Variants in ABCC6 observed in about 807,000 individuals in gnomAD.
The protein encoded by ABCC6 is ATP-binding cassette sub-family C member 6.
ABCC6 carries 126 observed loss-of-function variants against 169.5 expected under a neutral mutation model. The ratio of observed to expected loss-of-function variants is 0.74; its 90% CI spans 0.64 to 0.86. The LOEUF (loss-of-function observed/expected upper bound fraction) is 0.86. Among genes scored for constraint, ABCC6 ranks in the 40% least tolerant of loss-of-function variants. The probability of loss-of-function intolerance (pLI) is 0.00; values close to 1 mark genes in which losing one functional copy is unlikely to be tolerated. For synonymous variants in ABCC6, 752 were observed against 814.7 expected, an observed-to-expected ratio of 0.92 and a Z score of 1.31; for missense variants, 1,733 against 1,927.2, an observed-to-expected ratio of 0.90 and a Z score of 1.89.
chr16:16,200,028 G>A (rs1198756417), intron 9 of ABCC6, among the ~76,000 whole-genome samples: 28 of 151,772 alleles, frequency 1.8e-4, no homozygotes, highest in African/African-American at 3.9e-4. Flanking sequence ...AGATTGCACC[G>A]CTGCACTACA....
chr16:16,213,544 T>C (rs1238674997), intron 5 of ABCC6, among the ~76,000 whole-genome samples: 1 of 147,758 alleles, frequency 6.8e-6, no homozygotes, highest in Non-Finnish European at 1.5e-5. Context: ...CCAAGGGTAA[T>C]TTTCTTTTTC....
intron 7 of ABCC6, among the ~76,000 whole-genome samples, chr16:16,205,642 G>A (rs2048371296): frequency 6.6e-6 from 1 of 152,088 alleles, no homozygotes; most frequent in Non-Finnish European, 1.5e-5. Context: ...CTTCCATACA[G>A]AGAGCATCCC....
intron 19 of ABCC6, among the ~76,000 whole-genome samples, chr16:16,176,519 G>A (rs557339745): frequency 3.9e-4 from 60 of 152,336 alleles, no homozygotes; most frequent in African/African-American, 1.4e-3. Context: ...CACAGCAAAA[G>A]CTGACCAACA....
intron 11 of ABCC6, among the ~76,000 whole-genome samples, chr16:16,192,110 A>C (rs981174429): frequency 2.0e-5 from 3 of 152,106 alleles, no homozygotes; most frequent in African/African-American, 7.2e-5. Flanking sequence ...GTGGTGAGGG[A>C]AGCCGCCCTG....
At position 16,157,827 on chromosome 16, in the gene ABCC6, A is replaced by G; in HGVS notation, c.3736-18T>C. On this transcript the variant is annotated intron_variant, in intron 26 of 30. Coordinates refer to ENST00000205557, the MANE Select transcript of ABCC6 (RefSeq NM_001171.6). ...CAGGGAGCCTGGAGCAGGAGGGGAAACTGAGTCAGAGGAGCCTTCCTCTAA... is the reference window on the plus strand; with the variant it reads ...CAGGGAGCCTGGAGCAGGAGGGGAAGCTGAGTCAGAGGAGCCTTCCTCTAA... 1 of 1,605,298 alleles carries G rather than the reference A, an allele frequency of 6.2e-7. No individual in the cohort carries two copies. Among genetic ancestry groups the G allele is most frequent in the Non-Finnish European group, 8.5e-7 (1 of 1,178,124 alleles).
chr16:16,208,647 C>T (rs931709297), intron 7 of ABCC6, 81 bp downstream of exon 7: 3 of 1,608,850 alleles, frequency 1.9e-6, no homozygotes, highest in African/African-American at 1.3e-5. Context: ...GCCGGGATTA[C>T]AGTCGTGAGC....
chr16:16,151,666 AAC>A (rs1186938683), intron 29 of ABCC6, among the ~76,000 whole-genome samples: 1 of 152,172 alleles, frequency 6.6e-6, no homozygotes, highest in Non-Finnish European at 1.5e-5. Context: ...CCTTGTGCCA[AAC>A]ACATTCTAAG....
chr16:16,157,509 TGAG>T (rs1478190980), intron 27 of ABCC6, among the ~76,000 whole-genome samples, 151 bp downstream of exon 27: 1 of 151,892 alleles, frequency 6.6e-6, no homozygotes, highest in Non-Finnish European at 1.5e-5. Flanking sequence ...TTGGGGAAGG[TGAG>T]GAGTTCATTT....
intron 14 of ABCC6, 88 bp downstream of exon 14, chr16:16,187,036 G>A: frequency 1.7e-6 from 2 of 1,188,258 alleles, no homozygotes; most frequent in Non-Finnish European, 2.5e-6. Context: ...TCTCCCCCCA[G>A]TACTGATGCT....
At position 16,150,143 on chromosome 16, in the gene ABCC6, C is replaced by T. The variant is rs1362558112; in HGVS notation, c.4502G>A (p.Gly1501Asp). The T allele has an allele frequency of 1.2e-6, 2 of 1,612,588 alleles. No individual in the cohort carries two copies. Among genetic ancestry groups the T allele is most frequent in the South Asian group, 1.1e-5 (1 of 91,016 alleles). Reference sequence around the variant, plus strand: ...GTTGAGGGTCCTGGCTCAGACCAGGCCTGACTCCTGGGCCAGTCTGTAAAA... The same window carrying T: ...GTTGAGGGTCCTGGCTCAGACCAGGTCTGACTCCTGGGCCAGTCTGTAAAA... Reference protein sequence around the residue: ...GLFYRLAQESGLV With the variant: ...GLFYRLAQESDLV The change falls in exon 31 of 31, where the codon GGC (glycine) becomes GAC (aspartate). Residue 1501 changes from glycine (G) to aspartate (D), a missense_variant. Gly to Asp is a moderately conservative substitution (Grantham distance 94). Transcript: ENST00000205557.
In ABCC6 at chr16:16,157,529, G is replaced by A; in HGVS notation, c.3882+134C>T. 5.2e-6 allele frequency: 6 copies of A among 1,147,150 alleles called. No homozygotes were observed. In the South Asian group the frequency reaches 5.3e-5, roughly 10 times the overall value. The allele number at this position is 1,147,150 out of a possible 1,614,324, so 71.1% of individuals were successfully genotyped here. A position where few individuals can be genotyped will look rare whatever the true frequency, so the allele number is the denominator to read the frequency against. On this transcript the variant is annotated intron_variant, in intron 27 of 30. Transcript: ENST00000205557. Reference sequence around the variant, plus strand: ...GAAGGTGAGGAGTTCATTTTAGGGGGTAATGGGTCTGAAAGCTAGGGGACC... The same window carrying A: ...GAAGGTGAGGAGTTCATTTTAGGGGATAATGGGTCTGAAAGCTAGGGGACC...
At chr16:16,158,419 T>TCCCA (rs2046616153) in intron 26 of ABCC6, among the ~76,000 whole-genome samples, 4 of 147,494 alleles carry the variant, frequency 2.7e-5, no homozygotes, top group Admixed American at 6.9e-5. Flanking sequence ...ATCCACCCCA[T>TCCCA]CCCACCCATC....
intron 13 of ABCC6, 107 bp from the exon 14 acceptor site, chr16:16,187,318 C>G: frequency 1.1e-6 from 1 of 899,140 alleles, no homozygotes; most frequent in Non-Finnish European, 1.8e-6. Flanking sequence ...CTACCAAGCT[C>G]TGTGCATAGG....
intron 1 of ABCC6, among the ~76,000 whole-genome samples, chr16:16,222,416 C>G (rs2049105380): frequency 6.6e-6 from 1 of 152,112 alleles, no homozygotes; most frequent in Non-Finnish European, 1.5e-5. Context: ...GGGTCTCACT[C>G]TGTTGCCCAG....
chr16:16,150,492 G>A (rs940933153), intron 30 of ABCC6, 86 bp downstream of exon 30: 20 of 1,532,592 alleles, frequency 1.3e-5, no homozygotes, highest in Middle Eastern at 2.3e-4. Context: ...GCTCTAACCC[G>A]AAGCCCAGTG....
intron 22 of ABCC6, 123 bp downstream of exon 22, chr16:16,169,523 C>T: frequency 8.6e-7 from 1 of 1,157,984 alleles, no homozygotes; most frequent in Non-Finnish European, 1.3e-6. Flanking sequence ...TGCCTGGACC[C>T]CAGACGTTTT....
intron 20 of ABCC6, among the ~76,000 whole-genome samples, chr16:16,174,753 T>G: frequency 1.1e-5 from 1 of 89,958 alleles, no homozygotes; most frequent in Non-Finnish European, 2.3e-5. Context: ...CAAGATTCTG[T>G]CTCAAAACCC....
At chr16:16,161,051 G>A (rs1012693552) in intron 25 of ABCC6, among the ~76,000 whole-genome samples, 3 of 152,182 alleles carry the variant, frequency 2.0e-5, no homozygotes, top group Non-Finnish European at 2.9e-5. Flanking sequence ...TTCTCAGTGA[G>A]CCGAGATTGC....
chr16:16,184,739 C>A (rs2047591997), intron 15 of ABCC6, among the ~76,000 whole-genome samples: 1 of 152,066 alleles, frequency 6.6e-6, no homozygotes. Flanking sequence ...TGCCCTGGTC[C>A]CCGTCTGCAG....
Sources: allele counts gnomAD v4.1 joint callset (sites outside exome capture counted in the v4.1 genomes callset), GRCh38; gene constraint gnomAD v4.1.1; transcripts MANE v1.5; gene names NCBI Gene and HGNC (gene_info 2026-07-23, HGNC 2026-07-21).